The following BBIP1 variants were observed in gnomAD, a reference collection of about 807,000 sequenced individuals.
The protein encoded by BBIP1 is BBSome interacting protein 1, also known as BBSome-interacting protein 1.
BBIP1 carries 6 observed loss-of-function variants against 8.9 expected under a neutral mutation model. That is an observed-to-expected ratio of 0.67 (90% confidence interval 0.37 to 1.33). The LOEUF is 1.33. Among genes scored for constraint, BBIP1 ranks in the 40% most tolerant of loss-of-function variants. The pLI, the probability that BBIP1 is intolerant of heterozygous loss-of-function variation, is 0.02. For synonymous variants in BBIP1, 32 were observed against 33.4 expected (o/e 0.96, Z 0.14); for missense variants, 111 against 109.2 (o/e 1.02, Z -0.07).
At chr10:110,908,554 G>T (rs184989607) in intron 2 of BBIP1, among the ~76,000 whole-genome samples, 2 of 152,332 alleles carry the variant, frequency 1.3e-5, no homozygotes, top group African/African-American at 4.8e-5. Context: ...TGAGGATCCT[G>T]AAGGATGGGG....
upstream of BBIP1, chr10:110,919,262 C>T: frequency 3.8e-6 from 1 of 264,188 alleles, no homozygotes; most frequent in Non-Finnish European, 7.1e-6. Flanking sequence ...TTAGCTTCAA[C>T]AGTAACTTCC....
intron 2 of BBIP1, among the ~76,000 whole-genome samples, chr10:110,916,916 G>A (rs1367856881): frequency 6.6e-6 from 1 of 152,216 alleles, no homozygotes; most frequent in African/African-American, 2.4e-5. Context: ...TAAGAAGTGA[G>A]ATGGATTTAA....
intron 2 of BBIP1, chr10:110,904,949 A>G (rs749768906): frequency 2.0e-5 from 3 of 152,188 alleles, no homozygotes; most frequent in Admixed American, 2.0e-4. Flanking sequence ...TACAGTGTCA[A>G]TTCATCATTT....
intron 2 of BBIP1, among the ~76,000 whole-genome samples, chr10:110,914,544 C>A (rs1846351901): frequency 2.0e-5 from 3 of 152,110 alleles, no homozygotes; most frequent in Admixed American, 2.0e-4. Context: ...TGCCCACATG[C>A]TAGCAGAATG....
chr10:110,901,177 G>A (rs1370467230), intron 3 of BBIP1: 1 of 440,838 alleles, frequency 2.3e-6, no homozygotes, highest in Non-Finnish European at 4.5e-6. Context: ...TGTAGTACTA[G>A]CAAATCAGTA....
chr10:110,902,828 A>G (rs917255073), intron 2 of BBIP1: 6 of 152,384 alleles, frequency 3.9e-5, no homozygotes, highest in African/African-American at 1.2e-4. Context: ...GGAATGTGAA[A>G]TAAATACAAT....
intron 2 of BBIP1, chr10:110,907,529 A>C (rs1457680822): frequency 2.1e-6 from 1 of 482,250 alleles, no homozygotes; most frequent in African/African-American, 2.0e-5. Context: ...AAAAAAAAAA[A>C]AGAAAAGAAA....
Position 110,918,114 on chromosome 10 carries a change from A to AT in BBIP1, c.37+6dup, listed in dbSNP as rs1346438651. ...ACTGGCTGGATATTAACCATTTTCA[A>AT]TTTTACCTGAAAGTTCTGGTCTTTT... On this transcript the variant is annotated splice_region_variant and intron_variant, in intron 2 of 3. Transcript: ENST00000448814. 8 of 1,535,340 alleles carry AT rather than the reference A, an allele frequency of 5.2e-6. No homozygotes were observed. In the East Asian group the frequency reaches 1.5e-4, roughly 28 times the overall value.
intron 1 of BBIP1, 52 bp from the exon 2 acceptor site, chr10:110,918,265 G>T: frequency 1.0e-6 from 1 of 963,544 alleles, no homozygotes; most frequent in Non-Finnish European, 1.5e-6. Context: ...AAGCAATACA[G>T]TATTTTCAAA....
chr10:110,910,551 T>A (rs1427695879), intron 2 of BBIP1: 1 of 152,116 alleles, frequency 6.6e-6, no homozygotes, highest in Non-Finnish European at 1.5e-5. Context: ...ATTGTTTAGG[T>A]AAGATGATGA....
chr10:110,915,631 C>T (rs759139334), intron 2 of BBIP1, among the ~76,000 whole-genome samples: 5 of 152,122 alleles, frequency 3.3e-5, no homozygotes, highest in South Asian at 2.1e-4. Context: ...TGCTATAAAC[C>T]GAGGTAAAGC....
chr10:110,911,011 T>G (rs1045940378), intron 2 of BBIP1: 4 of 152,176 alleles, frequency 2.6e-5, no homozygotes, highest in African/African-American at 9.7e-5. Context: ...GTCACTTAAA[T>G]TACTTGATTT....
In BBIP1 at chr10:110,900,319, G is replaced by A. The variant is rs1404087179; in HGVS notation, c.*41C>T. 2 of 1,485,178 alleles carry A rather than the reference G, an allele frequency of 1.3e-6. No individual in the cohort carries two copies. Among genetic ancestry groups the A allele is most frequent in the Admixed American group, 2.2e-5 (1 of 45,508 alleles). The allele number at this position is 1,485,178 out of a possible 1,614,324, so 92.0% of individuals were successfully genotyped here. On this transcript the variant is annotated 3_prime_UTR_variant, in exon 4 of 4. Transcript: ENST00000448814. ...CATATTTTCTAGTTATTGTTAAATA[G>A]TAGATAAGGCAGGTTGTTCCCTAAA... is the stretch of plus-strand genomic sequence containing the variant.
chr10:110,899,858 A>G lies in BBIP1; in HGVS notation c.*502T>C, dbSNP rs1845942577. 6.6e-6 allele frequency: 1 copy of G among 152,500 alleles called. No homozygotes were observed. The allele number at this position is 152,500 out of a possible 1,614,324, so 9.4% of individuals were successfully genotyped here. ...CATTACTGGTGGGATCTGGTCACAC[A>G]AGATAGCATTAAACGTGACATGGCA... On this transcript the variant is annotated 3_prime_UTR_variant, in exon 4 of 4. Transcript: ENST00000448814.
chr10:110,905,524 T>A (rs1846110494), intron 2 of BBIP1, among the ~76,000 whole-genome samples: 2 of 151,394 alleles, frequency 1.3e-5, no homozygotes, highest in Non-Finnish European at 2.9e-5. Flanking sequence ...ATCGTGCCAC[T>A]GCACTCCAGC....
chr10:110,909,413 C>A (rs892152095), intron 2 of BBIP1, among the ~76,000 whole-genome samples: 3 of 152,134 alleles, frequency 2.0e-5, no homozygotes, highest in African/African-American at 7.2e-5. Flanking sequence ...CCAGGATGGT[C>A]TCGATCTCCT....
rs2134053596 is a variant in BBIP1 at position 110,918,232 on chromosome 10, T to A, written c.-56-19A>T. On this transcript the variant is annotated intron_variant, in intron 1 of 3. Coordinates refer to ENST00000448814, the MANE Select transcript of BBIP1 (RefSeq NM_001195305.3). ...GAAGAAACTACAAGATAATGTATGA[T>A]AACTTTGTAAAGGGCCATATAAAAG... 3.8e-6 allele frequency: 5 copies of A among 1,304,842 alleles called. 1 individual carries two copies. The South Asian group carries it at 6.4e-5, about 17-fold the overall frequency. 80.8% of individuals were successfully genotyped at this position (1,304,842 alleles called of 1,614,324 possible).
In BBIP1 at chr10:110,899,669, T is replaced by C. The variant is rs1289403011; in HGVS notation, c.*691A>G. ...AAAAGTAGCCAGGCATGGTGGCGCA[T>C]GCGTGTAATCCCAGCTACTTGGGAG... On this transcript the variant is annotated 3_prime_UTR_variant, in exon 4 of 4. Transcript: ENST00000448814. The C allele has an allele frequency of 6.6e-6, 1 of 152,056 alleles. No individual in the cohort carries two copies. Among genetic ancestry groups the C allele is most frequent in the Non-Finnish European group, 1.5e-5 (1 of 68,060 alleles). 9.4% of individuals were successfully genotyped at this position (152,056 alleles called of 1,614,324 possible). A position where few individuals can be genotyped will look rare whatever the true frequency, so the allele number is the denominator to read the frequency against.
chr10:110,901,906 AAT>A (rs1846013956), intron 2 of BBIP1: 2 of 340,144 alleles, frequency 5.9e-6, no homozygotes, highest in African/African-American at 2.1e-5. Flanking sequence ...AAAGATGATT[AAT>A]ATCATCTGAG....
Sources: gnomAD v4.1 joint callset for allele counts (sites outside exome capture counted in the v4.1 genomes callset) on GRCh38, gnomAD v4.1.1 for gene constraint, MANE v1.5 for transcripts, NCBI Gene and HGNC (gene_info 2026-07-23, HGNC 2026-07-21) for gene names.